The following DOCK2 variants were observed in gnomAD, a reference collection of about 807,000 sequenced individuals.
The protein encoded by DOCK2 is dedicator of cytokinesis 2.
DOCK2 carries 87 observed loss-of-function variants against 248.9 expected under a neutral mutation model. That is an observed-to-expected ratio of 0.35 (90% confidence interval 0.29 to 0.42). The LOEUF (loss-of-function observed/expected upper bound fraction) is 0.42, where lower values mean the gene tolerates loss of function less well. Ranked by LOEUF, DOCK2 falls within the 10% of genes least tolerant of loss-of-function variation. DOCK2 has a pLI of 1.00. For synonymous variants in DOCK2, 805 were observed against 821.6 expected (o/e 0.98, Z 0.35); for missense variants, 1,747 against 2,300.2 (o/e 0.76, Z 4.92).
At chr5:169,759,535 G>A (rs1764363790) in intron 23 of DOCK2, among the ~76,000 whole-genome samples, 170 bp from the exon 24 acceptor site, 1 of 152,186 alleles carries the variant, frequency 6.6e-6, no homozygotes, top group South Asian at 2.1e-4. Flanking sequence ...TGTATACAAA[G>A]AAGTCCGTGC....
chr5:169,925,728 TTG>T (rs67134055), intron 27 of DOCK2, among the ~76,000 whole-genome samples: 132,173 of 151,862 alleles, frequency 0.87, 57,628 homozygotes, highest in East Asian at 0.98. Context: ...TCATATAGGG[TTG>T]TGTGTTGGGA....
At chr5:169,758,512 G>A (rs1357339843) in intron 23 of DOCK2, among the ~76,000 whole-genome samples, 1 of 152,194 alleles carries the variant, frequency 6.6e-6, no homozygotes, top group African/African-American at 2.4e-5. Flanking sequence ...AAAAAGGGAT[G>A]AAGGCATAGA....
chr5:169,938,570 T>C (rs993129199), intron 27 of DOCK2, among the ~76,000 whole-genome samples: 2 of 152,352 alleles, frequency 1.3e-5, no homozygotes, highest in East Asian at 3.9e-4. Flanking sequence ...ATGGTCCACC[T>C]GTACAGGACA....
intron 27 of DOCK2, among the ~76,000 whole-genome samples, chr5:169,938,292 C>T (rs548959614): frequency 6.6e-6 from 1 of 151,552 alleles, no homozygotes; most frequent in Non-Finnish European, 1.5e-5. Context: ...AACACAGTCA[C>T]ACATCACTTA....
At chr5:169,661,542 C>T (rs939715230) in intron 2 of DOCK2, among the ~76,000 whole-genome samples, 1 of 152,146 alleles carries the variant, frequency 6.6e-6, no homozygotes, top group Admixed American at 6.5e-5. Flanking sequence ...CCTTGTTGTA[C>T]ATTAGATCTC....
chr5:169,837,806 A>G (rs1016528964), intron 26 of DOCK2, among the ~76,000 whole-genome samples: 27 of 152,086 alleles, frequency 1.8e-4, no homozygotes, highest in African/African-American at 6.5e-4. Flanking sequence ...ACCTCCCAAT[A>G]CTGGGAGCTT....
intron 27 of DOCK2, among the ~76,000 whole-genome samples, chr5:169,854,517 C>A (rs1262889606): frequency 2.0e-5 from 3 of 152,182 alleles, no homozygotes; most frequent in African/African-American, 7.2e-5. Context: ...TTTCACTTTT[C>A]TTCTGAACAG....
chr5:170,070,554 T>A (rs1357499969), intron 46 of DOCK2, among the ~76,000 whole-genome samples: 1 of 152,066 alleles, frequency 6.6e-6, no homozygotes, highest in Non-Finnish European at 1.5e-5. Context: ...CCTTCTGGGG[T>A]CGTCATGCCC....
intron 25 of DOCK2, 40 bp from the exon 26 acceptor site, chr5:169,803,018 A>G: frequency 1.3e-6 from 2 of 1,595,298 alleles, no homozygotes; most frequent in Non-Finnish European, 1.7e-6. Context: ...AAACTAAAAA[A>G]TGAGGAATTC....
chr5:169,884,003 G>T (rs1180111055), intron 27 of DOCK2: 1 of 1,159,560 alleles, frequency 8.6e-7, no homozygotes, highest in Non-Finnish European at 1.2e-6. Context: ...ATAGAGAACT[G>T]CTGGCCAGGA....
intron 30 of DOCK2, 24 bp from the exon 31 acceptor site, chr5:170,008,473 T>C: frequency 1.2e-6 from 2 of 1,613,504 alleles, no homozygotes; most frequent in Non-Finnish European, 1.7e-6. Flanking sequence ...TCTCCATAAC[T>C]GTTCTCTGCT....
At chr5:169,666,854 T>C in intron 2 of DOCK2, among the ~76,000 whole-genome samples, 1 of 152,240 alleles carries the variant, frequency 6.6e-6, no homozygotes, top group East Asian at 1.9e-4. Context: ...CCTGGGGATT[T>C]ATCCCTGGAA....
intron 25 of DOCK2, among the ~76,000 whole-genome samples, chr5:169,778,634 A>G (rs1477660607): frequency 1.3e-5 from 2 of 152,208 alleles, no homozygotes; most frequent in South Asian, 2.1e-4. Flanking sequence ...AGTCATTTTG[A>G]GCTACACGAA....
At chr5:170,036,000 C>T (rs551039464) in intron 35 of DOCK2, among the ~76,000 whole-genome samples, 7 of 152,128 alleles carry the variant, frequency 4.6e-5, no homozygotes, top group Middle Eastern at 3.2e-3. Flanking sequence ...TAGATTCCTA[C>T]GTATTGCCAA....
intron 1 of DOCK2, among the ~76,000 whole-genome samples, chr5:169,645,906 C>T (rs776439083): frequency 5.9e-5 from 9 of 152,024 alleles, no homozygotes; most frequent in South Asian, 2.1e-4. Flanking sequence ...CCCACCACCA[C>T]GCCCGGCTAA....
chr5:169,727,917 A>G (rs760905621), intron 22 of DOCK2, among the ~76,000 whole-genome samples: 28 of 152,232 alleles, frequency 1.8e-4, no homozygotes, highest in Non-Finnish European at 3.7e-4. Flanking sequence ...AAGAAAGGTT[A>G]GTTCGTGGAA....
At chr5:169,816,056 G>A (rs936755458) in intron 26 of DOCK2, among the ~76,000 whole-genome samples, 1 of 152,204 alleles carries the variant, frequency 6.6e-6, no homozygotes, top group African/African-American at 2.4e-5. Flanking sequence ...TCGAAGTTGG[G>A]AGACATGAGT....
intron 10 of DOCK2, among the ~76,000 whole-genome samples, chr5:169,697,333 A>G (rs1581052191): frequency 1.3e-5 from 2 of 152,290 alleles, no homozygotes; most frequent in African/African-American, 4.8e-5. Flanking sequence ...TGGCTGTCCA[A>G]CTAGTTGGCA....
intron 10 of DOCK2, 138 bp downstream of exon 10, chr5:169,696,076 C>G: frequency 8.4e-7 from 1 of 1,193,884 alleles, no homozygotes; most frequent in East Asian, 2.9e-5. Flanking sequence ...CCCTTAATAA[C>G]TACATTTCTG....
Sources: allele counts gnomAD v4.1 joint callset (sites outside exome capture counted in the v4.1 genomes callset), GRCh38; gene constraint gnomAD v4.1.1; transcripts MANE v1.5; gene names NCBI Gene and HGNC (gene_info 2026-07-23, HGNC 2026-07-21).